PCDH11X: variants seen among roughly 807,000 people sequenced by gnomAD.
PCDH11X encodes the protein protocadherin 11 X-linked, also known as protocadherin-11 X-linked.
Under a neutral mutation model 53.3 loss-of-function variants are expected in PCDH11X, and 18 were observed. The observed-to-expected ratio is 0.34, with a 90% CI of 0.23 to 0.50. The LOEUF is 0.50. Ranked by LOEUF, PCDH11X falls within the 20% of genes least tolerant of loss-of-function variation. The pLI is 0.98. For missense variants in PCDH11X, 570 were observed against 1,032.4 expected, an observed-to-expected ratio of 0.55 and a Z score of 6.14; for synonymous variants, 279 against 393.3, an observed-to-expected ratio of 0.71 and a Z score of 3.44.
At chrX:92,370,285 TC>T (rs1287095261) in intron 8 of PCDH11X, among the ~76,000 whole-genome samples, 1 of 108,168 alleles carries the variant, frequency 9.2e-6, no homozygotes, top group Non-Finnish European at 1.9e-5. Context: ...TTGTATGATT[TC>T]ATTCGTATTA....
intron 6 of PCDH11X, among the ~76,000 whole-genome samples, chrX:91,942,039 G>C (rs1402350451): frequency 9.1e-6 from 1 of 109,647 alleles, no homozygotes; most frequent in East Asian, 2.9e-4. Context: ...ACTAAACCAG[G>C]AAATAGGGGG....
intron 8 of PCDH11X, among the ~76,000 whole-genome samples, chrX:92,293,874 A>G (rs2068552324): frequency 9.3e-6 from 1 of 107,938 alleles, no homozygotes; most frequent in South Asian, 4.3e-4. Flanking sequence ...TGACTAAATG[A>G]TGTAATGTGG....
At chrX:92,268,079 T>A (rs1349377551) in intron 8 of PCDH11X, among the ~76,000 whole-genome samples, 1 of 112,258 alleles carries the variant, frequency 8.9e-6, no homozygotes, top group East Asian at 2.8e-4. Context: ...CTGAGATTTT[T>A]TCAGTTATCT....
intron 8 of PCDH11X, among the ~76,000 whole-genome samples, chrX:92,277,401 G>T (rs2068123415): frequency 9.0e-6 from 1 of 111,243 alleles, no homozygotes; most frequent in Non-Finnish European, 1.9e-5. Context: ...CATTGCAGAA[G>T]AAAATAAGAC....
intron 9 of PCDH11X, among the ~76,000 whole-genome samples, chrX:92,416,850 A>T (rs1314269512): frequency 1.5e-3 from 169 of 112,075 alleles, no homozygotes; most frequent in Non-Finnish European, 2.2e-3. Flanking sequence ...TATTCTGATA[A>T]CTGAATATGT....
intron 6 of PCDH11X, among the ~76,000 whole-genome samples, chrX:92,183,759 C>T (rs2066040576): frequency 1.8e-5 from 2 of 111,932 alleles, no homozygotes; most frequent in South Asian, 3.7e-4. Flanking sequence ...GCAGACACAC[C>T]ACGTACAGCA....
intron 5 of PCDH11X, among the ~76,000 whole-genome samples, chrX:91,865,041 C>T (rs1938891078): frequency 9.0e-6 from 1 of 110,508 alleles, no homozygotes; most frequent in Non-Finnish European, 1.9e-5. Flanking sequence ...TCATTTGGTG[C>T]GATCACGTTT....
At chrX:92,181,983 C>T (rs1443386157) in intron 6 of PCDH11X, among the ~76,000 whole-genome samples, 3 of 111,923 alleles carry the variant, frequency 2.7e-5, no homozygotes, top group Non-Finnish European at 5.6e-5. Flanking sequence ...GGGCCACCAT[C>T]CTCCAGACCC....
At chrX:92,345,570 A>G (rs2069871739) in intron 8 of PCDH11X, among the ~76,000 whole-genome samples, 1 of 111,665 alleles carries the variant, frequency 9.0e-6, no homozygotes, top group African/African-American at 3.2e-5. Flanking sequence ...TTGTTTAAAC[A>G]GATTTTATTA....
chrX:92,104,194 G>A (rs909679590), intron 6 of PCDH11X, among the ~76,000 whole-genome samples: 4 of 111,054 alleles, frequency 3.6e-5, no homozygotes, highest in African/African-American at 6.6e-5. Flanking sequence ...ACTGTAAGCC[G>A]GAACAGGTGT....
chrX:92,151,739 C>T (rs2759763), intron 6 of PCDH11X, among the ~76,000 whole-genome samples: 8,369 of 110,346 alleles, frequency 0.076, 772 homozygotes, highest in African/African-American at 0.26. Flanking sequence ...TAGATATGAC[C>T]AAATACATTT....
chrX:91,791,936 A>G (rs1935564571), intron 1 of PCDH11X, among the ~76,000 whole-genome samples: 2 of 98,333 alleles, frequency 2.0e-5, no homozygotes, highest in African/African-American at 7.7e-5. Context: ...ATCTCGGCTC[A>G]CTGCAAGCTC....
At chrX:91,880,759 T>G (rs1446922333) in intron 6 of PCDH11X, among the ~76,000 whole-genome samples, 1 of 109,434 alleles carries the variant, frequency 9.1e-6, no homozygotes, top group Admixed American at 9.7e-5. Context: ...TTTTACATAG[T>G]TAGTGGATCT....
intron 10 of PCDH11X, among the ~76,000 whole-genome samples, chrX:92,505,240 T>G (rs2074036865): frequency 9.7e-6 from 1 of 103,246 alleles, no homozygotes; most frequent in African/African-American, 3.5e-5. Context: ...TTTTTGGCAA[T>G]TTCTTTCGGT....
At chrX:91,790,635 G>A (rs1935500021) in intron 1 of PCDH11X, among the ~76,000 whole-genome samples, 1 of 111,612 alleles carries the variant, frequency 9.0e-6, no homozygotes, top group Non-Finnish European at 1.9e-5. Context: ...CCTCAAAGTG[G>A]GAACAAATGG....
rs557628264 is a variant in PCDH11X at position 92,330,950 on chromosome X, C to A, written c.3145-56785C>A. On this transcript the variant is annotated intron_variant, in intron 8 of 10. Transcript: ENST00000682573. ...GTGAGAGTGAAGGATTACAAAGAGG[C>A]GCAAGGAAACTGTTGAGGGTCAGGA... Among the ~76,000 whole-genome samples the A allele has an allele frequency of 4.0e-5, 4 of 98,778 alleles. No homozygotes were observed. The East Asian group carries it at 9.7e-4, about 24-fold the overall frequency. 85.8% of individuals were successfully genotyped at this position (98,778 alleles called of 115,157 possible).
chrX:92,204,478 G>T (rs1398725988), intron 7 of PCDH11X, among the ~76,000 whole-genome samples: 1 of 111,791 alleles, frequency 8.9e-6, no homozygotes, highest in Non-Finnish European at 1.9e-5. Flanking sequence ...CTTTACTCCA[G>T]TTTCCAACAA....
At chrX:91,822,849 A>G (rs1406693118) in intron 4 of PCDH11X, among the ~76,000 whole-genome samples, 2 of 111,551 alleles carry the variant, frequency 1.8e-5, no homozygotes, top group Non-Finnish European at 3.8e-5. Context: ...CTTTGAATGC[A>G]TCCCAGAGAT....
rs182529990 is a variant in PCDH11X at position 92,029,995 on chromosome X, G to T, written c.3033+150722G>T. Among the ~76,000 whole-genome samples the T allele has an allele frequency of 6.0e-3, 668 of 112,137 alleles. 2 individuals are homozygous for T. The highest frequency in any genetic ancestry group is 0.021 in the African/African-American group (651 of 30,902). The stretch of plus-strand genomic sequence containing the variant: ...TCAATTTTTTTTGAGATGGAGTCTT[G>T]CTCTGTGGCCAGGCTAGAGTGCAGT... On this transcript the variant is annotated intron_variant, in intron 6 of 10. Coordinates refer to ENST00000682573, the MANE Select transcript of PCDH11X (RefSeq NM_032968.5).
Sources: allele counts gnomAD v4.1 joint callset (sites outside exome capture counted in the v4.1 genomes callset), GRCh38; gene constraint gnomAD v4.1.1; transcripts MANE v1.5; gene names NCBI Gene and HGNC (gene_info 2026-07-23, HGNC 2026-07-21).